Variants in MYOM2 observed in about 807,000 individuals in gnomAD.
MYOM2 encodes the protein myomesin 2.
Under a neutral mutation model 187.6 loss-of-function variants are expected in MYOM2, and 254 were observed. That is an observed-to-expected ratio of 1.35 (90% confidence interval 1.22 to 1.50). The LOEUF (loss-of-function observed/expected upper bound fraction) is 1.50, where lower values mean the gene tolerates loss of function less well. MYOM2 is among the 40% of genes most tolerant of loss of function. The probability of loss-of-function intolerance (pLI) is 0.00; values close to 1 mark genes in which losing one functional copy is unlikely to be tolerated. For missense variants in MYOM2, 2,796 were observed against 1,924.0 expected (o/e 1.45, Z -8.48); for synonymous variants, 981 against 753.8 (o/e 1.30, Z -4.94).
intron 25 of MYOM2, among the ~76,000 whole-genome samples, chr8:2,114,046 A>G (rs374869211): frequency 1.3e-5 from 2 of 152,100 alleles, no homozygotes; most frequent in East Asian, 3.9e-4. Flanking sequence ...AGCTGTGGAA[A>G]CCCCATAAAA....
intron 12 of MYOM2, 47 bp downstream of exon 12, chr8:2,078,980 C>T (rs1401899035): frequency 6.3e-7 from 1 of 1,580,842 alleles, no homozygotes; most frequent in South Asian, 1.1e-5. Flanking sequence ...GAAGCTTTGG[C>T]TGTTTTGTGT....
intron 8 of MYOM2, among the ~76,000 whole-genome samples, chr8:2,070,665 G>A (rs1205774818): frequency 3.3e-5 from 5 of 152,292 alleles, no homozygotes; most frequent in East Asian, 1.9e-4. Flanking sequence ...GAACTGTGGC[G>A]CAGTTACAGC....
intron 32 of MYOM2, among the ~76,000 whole-genome samples, chr8:2,135,422 C>T (rs974739192): frequency 3.3e-5 from 5 of 152,116 alleles, no homozygotes; most frequent in African/African-American, 1.2e-4. Context: ...TGGTGTTCCT[C>T]ATTTGTTTTG....
Position 2,098,956 on chromosome 8 carries a change from T to C in MYOM2, c.2413T>C (p.Cys805Arg), listed in dbSNP as rs1424322546. ...CTCAGATCCCAGTGAGCACTTCAAG[T>C]GTGAGGCCTGGACCATGCCGGAGCC... ...EPSDPSEHFK[C>R]EAWTMPEPGP... The change falls in exon 19 of 37, where the codon TGT becomes CGT. Residue 805 changes from cysteine (C) to arginine (R), a missense_variant. Coordinates refer to ENST00000262113, the MANE Select transcript of MYOM2 (RefSeq NM_003970.4). 1.2e-6 allele frequency: 2 copies of C among 1,613,392 alleles called. No homozygotes were observed. Among genetic ancestry groups the C allele is most frequent in the Non-Finnish European group, 1.7e-6 (2 of 1,179,772 alleles).
At chr8:2,126,367 C>T (rs1341558264) in intron 31 of MYOM2, among the ~76,000 whole-genome samples, 1 of 128,280 alleles carries the variant, frequency 7.8e-6, no homozygotes. Flanking sequence ...CTCACACCCA[C>T]ACACTCACAT....
At chr8:2,104,970 A>C (rs185639324) in intron 21 of MYOM2, among the ~76,000 whole-genome samples, 81 of 152,234 alleles carry the variant, frequency 5.3e-4, no homozygotes, top group African/African-American at 1.9e-3. Context: ...TAGAGACAGG[A>C]TCTCACTATG....
rs531265996 is a variant in MYOM2, at chr8:2,092,626, C to G, written c.2003+106C>G. The G allele has an allele frequency of 5.7e-6, 7 of 1,220,704 alleles. No individual in the cohort carries two copies. In the African/African-American group the frequency reaches 7.6e-5, roughly 13 times the overall value. The allele number at this position is 1,220,704 out of a possible 1,614,324, so 75.6% of individuals were successfully genotyped here. ...GAGTACCATGGCCGCAAGGCTTCTG[C>G]GTAAATGAGTCTGTCTTAGCCACAC... On this transcript the variant is annotated intron_variant, in intron 16 of 36. Transcript: ENST00000262113.
rs940947185 is a variant in MYOM2, at chr8:2,144,760, G to T, written c.4177G>T (p.Val1393Leu). 4.3e-6 allele frequency: 7 copies of T among 1,614,206 alleles called. No individual in the cohort carries two copies. Among genetic ancestry groups the T allele is most frequent in the Non-Finnish European group, 5.9e-6 (7 of 1,180,044 alleles). Residue 1393 changes from valine (V) to leucine (L), a missense_variant, in exon 37 of 37, where the codon GTG (valine) becomes TTG (leucine). By Grantham distance (32) the Val-to-Leu change is conservative. Transcript: ENST00000262113. ...CATCCAGCTCAGCGAGCACTTCTCGGTGAAGGTGGAGCAGGCCAAGTACGT... is the reference window on the plus strand; with the variant it reads ...CATCCAGCTCAGCGAGCACTTCTCGTTGAAGGTGGAGCAGGCCAAGTACGT... ...QDIQLSEHFS[V>L]KVEQAKYVSM...
intron 16 of MYOM2, among the ~76,000 whole-genome samples, chr8:2,092,932 A>C: frequency 6.6e-6 from 1 of 152,106 alleles, no homozygotes; most frequent in East Asian, 1.9e-4. Context: ...CACCTGATGG[A>C]GACCCCACCG....
intron 32 of MYOM2, among the ~76,000 whole-genome samples, chr8:2,135,478 C>A (rs1585972265): frequency 6.6e-6 from 1 of 152,148 alleles, no homozygotes; most frequent in East Asian, 1.9e-4. Flanking sequence ...AGCTACAGAA[C>A]TGGAGCCCAG....
At chr8:2,120,204 G>C (rs141419990) in intron 28 of MYOM2, among the ~76,000 whole-genome samples, 189 of 152,240 alleles carry the variant, frequency 1.2e-3, no homozygotes, top group African/African-American at 4.4e-3. Context: ...TTGGGGTCTT[G>C]CTGGATGGAA....
At chr8:2,050,729 A>G in intron 1 of MYOM2, 26 bp from the exon 2 acceptor site, 1 of 1,395,196 alleles carries the variant, frequency 7.2e-7, no homozygotes, top group Non-Finnish European at 1.0e-6. Flanking sequence ...GAGGGAGCTC[A>G]GTGTTGTGTG....
At chr8:2,141,525 G>T (rs775172300) in intron 34 of MYOM2, among the ~76,000 whole-genome samples, 1 of 152,150 alleles carries the variant, frequency 6.6e-6, no homozygotes, top group African/African-American at 2.4e-5. Context: ...GGCCGATTTC[G>T]GTCAGGAGCG....
chr8:2,052,417 C>T (rs1818522850), intron 3 of MYOM2, 104 bp downstream of exon 3: 1 of 1,262,598 alleles, frequency 7.9e-7, no homozygotes, highest in Non-Finnish European at 1.1e-6. Context: ...GAGGGAAGAT[C>T]AAGGAACACA....
intron 25 of MYOM2, among the ~76,000 whole-genome samples, chr8:2,112,359 T>A (rs1797094784): frequency 6.7e-6 from 1 of 149,138 alleles, no homozygotes; most frequent in Non-Finnish European, 1.5e-5. Flanking sequence ...GGTAGAGGGT[T>A]ATTGAAATGG....
intron 27 of MYOM2, among the ~76,000 whole-genome samples, chr8:2,117,435 A>G (rs1325929332): frequency 6.6e-6 from 1 of 152,250 alleles, no homozygotes; most frequent in African/African-American, 2.4e-5. Context: ...GTGTTTTACA[A>G]AATTGCTAGG....
In MYOM2 at chr8:2,057,737, C is replaced by G. The variant is rs1818718706; in HGVS notation, c.517C>G (p.Leu173Val). 3 of 1,614,120 alleles carry G rather than the reference C, an allele frequency of 1.9e-6. No homozygotes were observed. The highest frequency in any genetic ancestry group is 2.2e-5 in the East Asian group (1 of 44,858). The change falls in exon 5 of 37, where the codon CTC becomes GTC. Residue 173 changes from leucine (L) to valine (V), a missense_variant. Physicochemically the swap from Leu to Val is conservative, Grantham distance 32 (BLOSUM62 1). Transcript: ENST00000262113. ...HTVWERMSVKLCFTVQGFPTP... is the reference protein window; with the variant it reads ...HTVWERMSVKVCFTVQGFPTP... The stretch of plus-strand genomic sequence containing the variant: ...CGTCTGGGAGAGGATGTCTGTGAAA[C>G]TCTGCTTCACCGTGCAAGGATTTCC...
At chr8:2,085,145 C>T in intron 13 of MYOM2, 118 bp from the exon 14 acceptor site, 1 of 1,315,540 alleles carries the variant, frequency 7.6e-7, no homozygotes, top group Non-Finnish European at 1.0e-6. Flanking sequence ...TTGACTTCCC[C>T]AAATAGAAAC....
In MYOM2 at chr8:2,079,606, C is replaced by G. The variant is rs754024344; in HGVS notation, c.1509C>G (p.Asp503Glu). The G allele has an allele frequency of 1.2e-6, 2 of 1,614,068 alleles. No individual in the cohort carries two copies. The highest frequency in any genetic ancestry group is 2.2e-5 in the South Asian group (2 of 91,074). Residue 503 changes from aspartate (D) to glutamate (E), a missense_variant, in exon 13 of 37, where the codon GAC (aspartate) becomes GAG (glutamate). Physicochemically the swap from Asp to Glu is conservative, Grantham distance 45. Transcript: ENST00000262113. The part of the protein sequence containing the change: ...GEKEIAIYQD[D>E]LEGDAQVPGP... ...AGGAGATTGCCATTTATCAGGATGA[C>G]CTTGAAGGTAAGTAGCACCTCATCA...
Sources: allele counts gnomAD v4.1 joint callset (sites outside exome capture counted in the v4.1 genomes callset), GRCh38; gene constraint gnomAD v4.1.1; transcripts MANE v1.5; gene names NCBI Gene and HGNC (gene_info 2026-07-23, HGNC 2026-07-21).